HSH2D: variants seen among roughly 807,000 people sequenced by gnomAD.
HSH2D encodes hematopoietic SH2 domain-containing protein.
HSH2D carries 16 observed loss-of-function variants against 21.5 expected under a neutral mutation model. That is an observed-to-expected ratio of 0.74 (90% confidence interval 0.50 to 1.13). The LOEUF is 1.13. HSH2D is among the 50% of genes most tolerant of loss of function. The pLI, the probability that HSH2D is intolerant of heterozygous loss-of-function variation, is 0.00. For synonymous variants in HSH2D, 172 were observed against 184.7 expected (o/e 0.93, Z 0.56); for missense variants, 418 against 441.4 (o/e 0.95, Z 0.47).
intron 2 of HSH2D, among the ~76,000 whole-genome samples, chr19:16,150,840 A>G (rs559681915): frequency 1.3e-5 from 2 of 152,154 alleles, no homozygotes; most frequent in Non-Finnish European, 2.9e-5. Context: ...CCTGAGTGAT[A>G]GAGTAAGACC....
At chr19:16,145,041 T>G (rs964637863) in intron 1 of HSH2D, among the ~76,000 whole-genome samples, 14 of 144,364 alleles carry the variant, frequency 9.7e-5, no homozygotes, top group Admixed American at 1.4e-4. Flanking sequence ...TTTGGGGTTT[T>G]TTTTTTTTTT....
chr19:16,157,880 C>T lies in HSH2D; in HGVS notation c.*86C>T. The T allele has an allele frequency of 3.0e-6, 3 of 1,014,676 alleles. No individual in the cohort carries two copies. The highest frequency in any genetic ancestry group is 4.2e-6 in the Non-Finnish European group (3 of 711,320). 62.9% of individuals were successfully genotyped at this position (1,014,676 alleles called of 1,614,324 possible). A position where few individuals can be genotyped will look rare whatever the true frequency, so the allele number is the denominator to read the frequency against. On this transcript the variant is annotated 3_prime_UTR_variant, in exon 6 of 6. Transcript: ENST00000613986. This position sits in a 1 kb window ranked among gnomAD's most constrained non-coding sequence, Gnocchi z 4.4. ...TTAACATTTCTTCCATGGCCCCACACCATGGCATCCGGGGGTCTTCGGGAA... is the reference window on the plus strand; with the variant it reads ...TTAACATTTCTTCCATGGCCCCACATCATGGCATCCGGGGGTCTTCGGGAA...
At chr19:16,144,439 T>TA (rs746627902) in intron 1 of HSH2D, among the ~76,000 whole-genome samples, 250 of 150,236 alleles carry the variant, frequency 1.7e-3, no homozygotes, top group African/African-American at 4.6e-3. Context: ...CTCTTCCAAG[T>TA]AAAAAAAAAG....
chr19:16,141,192 C>G (rs76453350), upstream of HSH2D, among the ~76,000 whole-genome samples: 2,275 of 152,346 alleles, frequency 0.015, 56 homozygotes, highest in African/African-American at 0.052. Flanking sequence ...GGACACACAG[C>G]AGGTGAGTGA....
At chr19:16,154,318 C>A in intron 4 of HSH2D, 81 bp from the exon 5 acceptor site, 1 of 890,348 alleles carries the variant, frequency 1.1e-6, no homozygotes, top group Non-Finnish European at 1.7e-6. Context: ...AAGGGATGGT[C>A]CCTGAGACCT....
chr19:16,148,604 C>T, intron 1 of HSH2D, 120 bp from the exon 2 acceptor site: 3 of 956,682 alleles, frequency 3.1e-6, no homozygotes, highest in Admixed American at 2.4e-5. Context: ...GTTTTAAGTC[C>T]ATTGCTCTGT....
intron 4 of HSH2D, among the ~76,000 whole-genome samples, chr19:16,154,083 C>G (rs1050825513): frequency 7.1e-6 from 1 of 140,032 alleles, no homozygotes; most frequent in African/African-American, 2.5e-5. Flanking sequence ...CCTTATAGGA[C>G]TCAGTGGGCC....
intron 5 of HSH2D, among the ~76,000 whole-genome samples, chr19:16,155,965 C>T (rs895648446): frequency 1.3e-5 from 2 of 151,610 alleles, no homozygotes; most frequent in Non-Finnish European, 2.9e-5. Flanking sequence ...CTTTCCTGGG[C>T]ACTGGTGGAG....
intron 2 of HSH2D, among the ~76,000 whole-genome samples, chr19:16,149,487 G>T (rs2091119020): frequency 6.6e-6 from 1 of 151,850 alleles, no homozygotes; most frequent in South Asian, 2.1e-4. Context: ...ACAGGCGTGA[G>T]CCACCGCACC....
At chr19:16,150,899 T>C (rs1022322612) in intron 2 of HSH2D, among the ~76,000 whole-genome samples, 4 of 152,114 alleles carry the variant, frequency 2.6e-5, no homozygotes, top group African/African-American at 9.7e-5. Context: ...TGTTCCTTTT[T>C]TGTGTTGTTT....
intron 2 of HSH2D, among the ~76,000 whole-genome samples, chr19:16,149,414 G>A (rs1012074946): frequency 1.3e-5 from 2 of 152,062 alleles, no homozygotes; most frequent in Non-Finnish European, 2.9e-5. Flanking sequence ...TGTTGGCCAG[G>A]CTGGTCTCAA....
In HSH2D at chr19:16,154,407, C is replaced by T. The variant is rs376371671; in HGVS notation, c.390C>T (p.Pro130=). The part of the protein sequence containing the change: ...LLTQPCRQKD[P]ANVDYEDLFL... ...CCCCTTCCGCCCTGCAGAAGGATCC[C>T]GCAAACGTGGATTACGAGGATCTCT... The change falls in exon 5 of 6, where the codon CCC becomes CCT. Residue 130 remains proline, a synonymous_variant. Transcript: ENST00000613986. 6 of 1,550,582 alleles carry T rather than the reference C, an allele frequency of 3.9e-6. No individual in the cohort carries two copies. The highest frequency in any genetic ancestry group is 2.6e-6 in the Non-Finnish European group (3 of 1,146,558).
chr19:16,145,074 T>C (rs2145027382), intron 1 of HSH2D, among the ~76,000 whole-genome samples: 1 of 146,966 alleles, frequency 6.8e-6, no homozygotes, highest in Middle Eastern at 3.5e-3. Context: ...AGTTTCGCTC[T>C]GTTGCTCAGG....
Position 16,157,614 on chromosome 19 carries a change from C to T in HSH2D, c.879C>T (p.Ala293=), listed in dbSNP as rs113641420. ...ACAGAAAGGTCCCCACCAGGAAGGC[C>T]GAGAGGTCGGTCAGCTGCATTGAGG... ...PKDRKVPTRK[A]ERSVSCIEVT... is the part of the protein sequence containing the mutation. The change falls in exon 6 of 6, where the codon GCC becomes GCT. Residue 293 remains alanine, a synonymous_variant. Coordinates refer to ENST00000613986, the MANE Select transcript of HSH2D (RefSeq NM_001382417.1). The surrounding 1 kb of genome is among the most constrained non-coding windows in gnomAD (Gnocchi z 4.4). The T allele has an allele frequency of 8.7e-4, 1,407 of 1,613,816 alleles. 13 individuals are homozygous for T. In the African/African-American group the frequency reaches 0.016, roughly 19 times the overall value.
chr19:16,134,795 G>A (rs1414631483), intron 1 of HSH2D, among the ~76,000 whole-genome samples: 4 of 151,956 alleles, frequency 2.6e-5, no homozygotes, highest in Non-Finnish European at 5.9e-5. Context: ...GTGTCCTTAC[G>A]AAACTGAAAT....
intron 1 of HSH2D, among the ~76,000 whole-genome samples, chr19:16,134,757 C>T (rs558462248): frequency 1.3e-5 from 2 of 152,210 alleles, no homozygotes; most frequent in South Asian, 4.2e-4. Flanking sequence ...TTCAGGTCCT[C>T]ACCTCTGTGT....
chr19:16,153,989 T>C lies in HSH2D; in HGVS notation c.382-410T>C, dbSNP rs75788559. Among the ~76,000 whole-genome samples, 384 of 132,854 alleles carry C rather than the reference T, an allele frequency of 2.9e-3. 2 individuals are homozygous for C. Among genetic ancestry groups the C allele is most frequent in the African/African-American group, 0.011 (373 of 34,542 alleles). The allele number at this position is 132,854 out of a possible 152,430, so 87.2% of individuals were successfully genotyped here. On this transcript the variant is annotated intron_variant, in intron 4 of 5. Transcript: ENST00000613986. ...TGTGCCTGGCCTAGCTCCCAAGAAA[T>C]TGTGGTAGGTGGGGCATCTTTCCTT...
intron 1 of HSH2D, among the ~76,000 whole-genome samples, chr19:16,146,007 C>T (rs371066404): frequency 2.7e-5 from 4 of 146,450 alleles, no homozygotes; most frequent in East Asian, 2.0e-4. Context: ...ACCTGGGAGG[C>T]GGAAGTTGCA....
chr19:16,150,471 G>A (rs558001824), intron 2 of HSH2D, among the ~76,000 whole-genome samples: 3 of 151,760 alleles, frequency 2.0e-5, no homozygotes, highest in African/African-American at 4.8e-5. Flanking sequence ...CCCAGGAGGC[G>A]GAGATTGCAG....
Sources: allele counts gnomAD v4.1 joint callset (sites outside exome capture counted in the v4.1 genomes callset), GRCh38; gene constraint gnomAD v4.1.1; non-coding constraint Gnocchi (gnomAD v3.1); transcripts MANE v1.5; gene names NCBI Gene and HGNC (gene_info 2026-07-23, HGNC 2026-07-21).